Variants in GLDC observed in about 807,000 individuals in gnomAD.
GLDC encodes glycine decarboxylase.
In GLDC, 104 loss-of-function variants were observed where a neutral mutation model predicts 121.3. The ratio of observed to expected loss-of-function variants is 0.86; its 90% CI spans 0.73 to 1.01. The LOEUF (loss-of-function observed/expected upper bound fraction) is 1.01. GLDC is among the 50% of genes least tolerant of loss of function. GLDC has a pLI of 0.00. For missense variants in GLDC, 1,429 were observed against 1,306.6 expected, an observed-to-expected ratio of 1.09 and a Z score of -1.44; for synonymous variants, 546 against 480.6, an observed-to-expected ratio of 1.14 and a Z score of -1.78.
At chr9:6,611,491 G>A (rs1818854945) in intron 3 of GLDC, among the ~76,000 whole-genome samples, 1 of 151,846 alleles carries the variant, frequency 6.6e-6, no homozygotes, top group Non-Finnish European at 1.5e-5. Context: ...GCGGGGCGGA[G>A]GTTGCAGTGA....
chr9:6,606,024 C>G (rs987279541), intron 5 of GLDC: 1 of 157,316 alleles, frequency 6.4e-6, no homozygotes, highest in Non-Finnish European at 1.4e-5. Context: ...GAAAACAAAA[C>G]GGGCCGGGCG....
rs386833587 is a variant in GLDC, at chr9:6,605,186, G to A, written c.806C>T (p.Thr269Met). ...CGTAAAGTCTTCCACCTTCCCCTCC[G>A]TGTCTGGGTACTGGAACAACACTCC... ...VSGVLFQYPD[T>M]EGKVEDFTEL... Residue 269 changes from threonine to methionine, a missense_variant, in exon 6 of 25, where the codon ACG (threonine) becomes ATG (methionine). Transcript: ENST00000321612. 3.6e-5 allele frequency: 58 copies of A among 1,613,244 alleles called. No homozygotes were observed. The highest frequency in any genetic ancestry group is 4.3e-5 in the Non-Finnish European group (51 of 1,179,644).
At chr9:6,539,707 A>T (rs1307188631) in intron 22 of GLDC, among the ~76,000 whole-genome samples, 1 of 152,170 alleles carries the variant, frequency 6.6e-6, no homozygotes, top group Admixed American at 6.5e-5. Flanking sequence ...AGAGGTGGCT[A>T]TAAAACTCCA....
intron 22 of GLDC, among the ~76,000 whole-genome samples, chr9:6,537,563 T>G (rs1420088614): frequency 1.3e-5 from 2 of 152,210 alleles, no homozygotes; most frequent in African/African-American, 4.8e-5. Flanking sequence ...AGCGGATTGC[T>G]TAAGCCCAGG....
chr9:6,592,162 A>G lies in GLDC; in HGVS notation c.1463T>C (p.Phe488Ser). ...EKDLDDLLWIFGCESSAELVA... is the reference protein window; with the variant it reads ...EKDLDDLLWISGCESSAELVA... Reference sequence around the variant, plus strand: ...ACTTACTGCAGATGACTCACAACCAAAGATCCACAACAAATCGTCCAGATC... The same window carrying G: ...ACTTACTGCAGATGACTCACAACCAGAGATCCACAACAAATCGTCCAGATC... Residue 488 changes from phenylalanine to serine, a missense_variant, in exon 11 of 25, where the codon TTT becomes TCT. Transcript: ENST00000321612. 6.2e-7 allele frequency: 1 copy of G among 1,602,300 alleles called. No individual in the cohort carries two copies. Among genetic ancestry groups the G allele is most frequent in the Non-Finnish European group, 8.6e-7 (1 of 1,169,278 alleles).
chr9:6,556,408 T>C, intron 17 of GLDC, 106 bp from the exon 18 acceptor site: 10 of 941,636 alleles, frequency 1.1e-5, no homozygotes, highest in Non-Finnish European at 1.7e-5. Context: ...GAAGTCTCAG[T>C]CTTTACTTTC....
intron 5 of GLDC, 73 bp downstream of exon 5, chr9:6,606,519 T>G: frequency 2.1e-6 from 2 of 957,696 alleles, no homozygotes; most frequent in East Asian, 2.4e-5. Flanking sequence ...AGTTTGGAAG[T>G]GAGAAAGAGA....
chr9:6,629,890 A>C (rs928640168), intron 2 of GLDC, among the ~76,000 whole-genome samples: 1 of 143,392 alleles, frequency 7.0e-6, no homozygotes, highest in African/African-American at 2.7e-5. Flanking sequence ...TTGATAATAA[A>C]TACAAGATAA....
In GLDC at chr9:6,645,449, C is replaced by A. The variant is rs947785805; in HGVS notation, c.51G>T (p.Gly17=). The change falls in exon 1 of 25, where the codon GGG becomes GGT. Residue 17 remains glycine, a synonymous_variant. Coordinates refer to ENST00000321612, the MANE Select transcript of GLDC (RefSeq NM_000170.3). ...AWGLRLGRGV[G]GGRRLAGGSG... ...ATCCCCCAGCCAGGCGGCGGCCGCC[C>A]CCGACCCCGCGGCCCAGGCGCAGCC... The A allele has an allele frequency of 1.6e-6, 2 of 1,258,166 alleles. No homozygotes were observed. Among genetic ancestry groups the A allele is most frequent in the African/African-American group, 1.6e-5 (1 of 63,764 alleles). The allele number at this position is 1,258,166 out of a possible 1,614,324, so 77.9% of individuals were successfully genotyped here. A position where few individuals can be genotyped will look rare whatever the true frequency, so the allele number is the denominator to read the frequency against.
chr9:6,533,238 G>T (rs886741775), intron 24 of GLDC, 78 bp from the exon 25 acceptor site: 10 of 1,201,252 alleles, frequency 8.3e-6, no homozygotes, highest in Non-Finnish European at 1.2e-5. Flanking sequence ...GGCAATGCTA[G>T]TCCCACAACC....
intron 21 of GLDC, among the ~76,000 whole-genome samples, chr9:6,550,367 C>T (rs1368266668): frequency 6.6e-6 from 1 of 152,192 alleles, no homozygotes; most frequent in Non-Finnish European, 1.5e-5. Flanking sequence ...TGGCTCATGC[C>T]TGTAATCCCA....
chr9:6,583,840 T>A (rs191861071), intron 15 of GLDC, among the ~76,000 whole-genome samples: 167 of 152,212 alleles, frequency 1.1e-3, no homozygotes, highest in African/African-American at 3.8e-3. Context: ...GAAAGTAGAA[T>A]GGAGGCCGCC....
At position 6,578,540 on chromosome 9, in the gene GLDC, T is replaced by C. The variant is rs1309281401; in HGVS notation, c.1850+8601A>G. On this transcript the variant is annotated intron_variant, in intron 15 of 24. Coordinates refer to ENST00000321612, the MANE Select transcript of GLDC (RefSeq NM_000170.3). ...TTAATTAGTTGGAAAGTACTTCCTC[T>C]CTTTTTTTCTTCTCTTAGAAACAGA... Among the ~76,000 whole-genome samples the C allele has an allele frequency of 5.3e-5, 8 of 152,228 alleles. No individual in the cohort carries two copies. In the East Asian group the frequency reaches 1.5e-3, roughly 29 times the overall value.
intron 3 of GLDC, among the ~76,000 whole-genome samples, chr9:6,617,625 C>T (rs1397950037): frequency 6.6e-6 from 1 of 152,144 alleles, no homozygotes; most frequent in Non-Finnish European, 1.5e-5. Context: ...ATTTTCCTGT[C>T]CCCTTATTAA....
chr9:6,566,026 G>A (rs1406030984), intron 15 of GLDC, among the ~76,000 whole-genome samples: 1 of 152,136 alleles, frequency 6.6e-6, no homozygotes, highest in Non-Finnish European at 1.5e-5. Flanking sequence ...CAGAGCATTC[G>A]AGCTCAGAAG....
intron 2 of GLDC, among the ~76,000 whole-genome samples, chr9:6,629,333 G>C (rs577501786): frequency 6.0e-4 from 91 of 151,514 alleles, no homozygotes; most frequent in African/African-American, 2.2e-3. Flanking sequence ...TCCTGCCTCA[G>C]CCTCCCGAGT....
chr9:6,539,306 C>T (rs925840013), intron 22 of GLDC, among the ~76,000 whole-genome samples: 3 of 151,998 alleles, frequency 2.0e-5, no homozygotes, highest in Non-Finnish European at 4.4e-5. Context: ...GGTGAAACCC[C>T]ATCTCTACTA....
At chr9:6,628,325 T>C (rs967609780) in intron 2 of GLDC, among the ~76,000 whole-genome samples, 18 of 152,266 alleles carry the variant, frequency 1.2e-4, no homozygotes, top group African/African-American at 4.1e-4. Context: ...AAAAGAAAAC[T>C]AGATTTTCCC....
intron 16 of GLDC, among the ~76,000 whole-genome samples, chr9:6,559,748 G>C (rs1324665678): frequency 6.7e-6 from 1 of 149,500 alleles, no homozygotes; most frequent in Admixed American, 6.7e-5. Flanking sequence ...CCGGGAGGTG[G>C]AGGTTGCAGC....
Sources: allele counts gnomAD v4.1 joint callset (sites outside exome capture counted in the v4.1 genomes callset), GRCh38; gene constraint gnomAD v4.1.1; transcripts MANE v1.5; gene names NCBI Gene and HGNC (gene_info 2026-07-23, HGNC 2026-07-21).